CSGALNACT1: variants seen among roughly 807,000 people sequenced by gnomAD.
CSGALNACT1 encodes the protein chondroitin sulfate N-acetylgalactosaminyltransferase 1.
CSGALNACT1 carries 52 observed loss-of-function variants against 51.0 expected under a neutral mutation model. The observed-to-expected ratio is 1.02, with a 90% CI of 0.82 to 1.29. CSGALNACT1 has a LOEUF of 1.29. Among genes scored for constraint, CSGALNACT1 ranks in the 50% most tolerant of loss-of-function variants. CSGALNACT1 has a pLI of 0.00. For synonymous variants in CSGALNACT1, 341 were observed against 254.4 expected (o/e 1.34, Z -3.24); for missense variants, 935 against 679.2 (o/e 1.38, Z -4.19).
intron 4 of CSGALNACT1, among the ~76,000 whole-genome samples, chr8:19,460,279 G>C (rs1371776792): frequency 6.6e-6 from 1 of 151,906 alleles, no homozygotes; most frequent in Non-Finnish European, 1.5e-5. Context: ...GAGAGAGAAA[G>C]AGACCATGTT....
chr8:19,604,590 C>A (rs1189286040), upstream of CSGALNACT1, among the ~76,000 whole-genome samples: 1 of 151,992 alleles, frequency 6.6e-6, no homozygotes, highest in African/African-American at 2.4e-5. Flanking sequence ...CAGGACTTAG[C>A]CTTCATGTAT....
At chr8:19,667,003 G>GAAAGAAAAGAAAGAAAGAAAGAAAGA (rs771614389) in intron 1 of CSGALNACT1, among the ~76,000 whole-genome samples, 1 of 28,602 alleles carries the variant, frequency 3.5e-5, no homozygotes, top group Non-Finnish European at 6.5e-5. Flanking sequence ...AAGAAAGAAA[G>GAAAGAAAAGAAAGAAAGAAAGAAAGA]AAAGAAAGAA....
chr8:19,601,807 C>T lies in CSGALNACT1; in HGVS notation c.-452G>A, dbSNP rs921796327. ...AGAAGGGAAGGTTAGGAGGTGGCTA[C>T]ATCATTGCTCCTCTGGGTCAAAATT... On this transcript the variant is annotated 5_prime_UTR_variant, in exon 2 of 10. It removes an upstream start codon present in the reference 5' UTR. Coordinates refer to ENST00000454498, the Ensembl canonical transcript of CSGALNACT1. The T allele has an allele frequency of 4.4e-6, 2 of 453,942 alleles. No homozygotes were observed. Among genetic ancestry groups the T allele is most frequent in the Admixed American group, 2.4e-5 (1 of 42,546 alleles). The allele number at this position is 453,942 out of a possible 1,614,324, so 28.1% of individuals were successfully genotyped here.
intron 1 of CSGALNACT1, among the ~76,000 whole-genome samples, chr8:19,654,032 A>T (rs2058055586): frequency 1.3e-5 from 2 of 152,180 alleles, no homozygotes; most frequent in Non-Finnish European, 2.9e-5. Flanking sequence ...CTGAAAGTCC[A>T]AAGCTGATCC....
At chr8:19,421,564 C>A (rs367853196) in intron 6 of CSGALNACT1, among the ~76,000 whole-genome samples, 3 of 152,228 alleles carry the variant, frequency 2.0e-5, no homozygotes, top group South Asian at 2.1e-4. Flanking sequence ...TACCAGCTAC[C>A]TGGCCTATCC....
rs536595490 is a variant in CSGALNACT1, at chr8:19,417,507, G to C, written c.1227+1149C>G. ...TTACACACAAAGTCAATCCTCAAAC[G>C]CATCCAGAACATGGGTTTTGGATGG... On this transcript the variant is annotated intron_variant, in intron 8 of 9. Transcript: ENST00000454498. Among the ~76,000 whole-genome samples, 3 of 152,242 alleles carry C rather than the reference G, an allele frequency of 2.0e-5. No homozygotes were observed. The East Asian group carries it at 5.8e-4, about 29-fold the overall frequency.
At chr8:19,576,416 G>C (rs929436388) in intron 3 of CSGALNACT1, among the ~76,000 whole-genome samples, 1 of 152,000 alleles carries the variant, frequency 6.6e-6, no homozygotes, top group Non-Finnish European at 1.5e-5. Flanking sequence ...TGGTCTCAAA[G>C]TCCTGACCTC....
At chr8:19,496,323 T>C (rs1182381307) in intron 4 of CSGALNACT1, among the ~76,000 whole-genome samples, 1 of 152,180 alleles carries the variant, frequency 6.6e-6, no homozygotes, top group Non-Finnish European at 1.5e-5. Flanking sequence ...GTAAATCTTC[T>C]AATAAGGGAC....
chr8:19,719,092 G>A (rs769443659), intron 1 of CSGALNACT1, among the ~76,000 whole-genome samples: 12 of 152,084 alleles, frequency 7.9e-5, no homozygotes, highest in Non-Finnish European at 1.3e-4. Flanking sequence ...CTATTTCTAC[G>A]AAGTACACAG....
intron 3 of CSGALNACT1, among the ~76,000 whole-genome samples, chr8:19,507,058 G>A (rs1401869903): frequency 6.6e-6 from 1 of 152,178 alleles, no homozygotes; most frequent in African/African-American, 2.4e-5. Context: ...ATCAGGAACT[G>A]GGGAAGCACC....
At chr8:19,462,295 G>A (rs1490059454) in intron 4 of CSGALNACT1, among the ~76,000 whole-genome samples, 2 of 152,196 alleles carry the variant, frequency 1.3e-5, no homozygotes, top group African/African-American at 4.8e-5. Flanking sequence ...CACAGAAAAT[G>A]CAGCTGACAG....
upstream of CSGALNACT1, among the ~76,000 whole-genome samples, chr8:19,685,630 T>C (rs1158015109): frequency 1.3e-5 from 2 of 152,336 alleles, no homozygotes; most frequent in Admixed American, 6.5e-5. Context: ...TCAACCTTAA[T>C]ATGATTTTGA....
At chr8:19,656,954 T>C (rs1332493030) in intron 1 of CSGALNACT1, among the ~76,000 whole-genome samples, 1 of 151,254 alleles carries the variant, frequency 6.6e-6, no homozygotes, top group African/African-American at 2.4e-5. Context: ...TAGTCCCAGC[T>C]ATTCAGGAGG....
chr8:19,620,377 T>C (rs1371919534), intron 1 of CSGALNACT1, among the ~76,000 whole-genome samples: 2 of 147,844 alleles, frequency 1.4e-5, no homozygotes, highest in African/African-American at 2.5e-5. Flanking sequence ...CGAGTACTCA[T>C]TAAAACACTA....
At chr8:19,420,139 T>A (rs1048016333) in intron 7 of CSGALNACT1, among the ~76,000 whole-genome samples, 1 of 152,184 alleles carries the variant, frequency 6.6e-6, no homozygotes, top group Non-Finnish European at 1.5e-5. Context: ...CTCTTTCCTT[T>A]ATAAATTACC....
chr8:19,554,071 G>C (rs2154086147), intron 3 of CSGALNACT1, among the ~76,000 whole-genome samples: 1 of 150,990 alleles, frequency 6.6e-6, no homozygotes, highest in Admixed American at 6.6e-5. Flanking sequence ...AGAAAAATGA[G>C]AGAAAATTAG....
At chr8:19,542,566 T>C (rs566613842) in intron 3 of CSGALNACT1, among the ~76,000 whole-genome samples, 5 of 152,214 alleles carry the variant, frequency 3.3e-5, no homozygotes, top group South Asian at 2.1e-4. Context: ...GAAATCCTAA[T>C]GGAGTTACCA....
chr8:19,424,051 T>C (rs1184875570), intron 6 of CSGALNACT1, among the ~76,000 whole-genome samples: 1 of 151,858 alleles, frequency 6.6e-6, no homozygotes, highest in Non-Finnish European at 1.5e-5. Context: ...GGGACTTTCA[T>C]CCACCCTGAT....
intron 9 of CSGALNACT1, 111 bp downstream of exon 8, chr8:19,408,502 G>T: frequency 1.9e-5 from 6 of 319,114 alleles, no homozygotes; most frequent in Non-Finnish European, 2.3e-5. Context: ...TTTTTTGAAG[G>T]CAATGGTACC....
Sources: allele counts gnomAD v4.1 joint callset (sites outside exome capture counted in the v4.1 genomes callset), GRCh38; gene constraint gnomAD v4.1.1; transcripts MANE v1.5; gene names NCBI Gene and HGNC (gene_info 2026-07-23, HGNC 2026-07-21).